TGFBR3: variants seen among roughly 807,000 people sequenced by gnomAD.
The protein encoded by TGFBR3 is transforming growth factor beta receptor 3, also known as transforming growth factor beta receptor type 3.
A neutral mutation model predicts 87.9 loss-of-function variants in TGFBR3; 46 were observed. The observed-to-expected ratio is 0.52, with a 90% CI of 0.41 to 0.67. TGFBR3 has a LOEUF of 0.67. TGFBR3 is among the 30% of genes least tolerant of loss of function. The pLI, the probability that TGFBR3 is intolerant of heterozygous loss-of-function variation, is 0.00. For synonymous variants in TGFBR3, 381 were observed against 391.6 expected, an observed-to-expected ratio of 0.97 and a Z score of 0.32; for missense variants, 866 against 1,041.9, an observed-to-expected ratio of 0.83 and a Z score of 2.32.
intron 6 of TGFBR3, among the ~76,000 whole-genome samples, chr1:91,729,470 A>G (rs1452794579): frequency 6.6e-6 from 1 of 152,226 alleles, no homozygotes; most frequent in East Asian, 1.9e-4. Context: ...GGTGATAAAG[A>G]TGAAGGAAGA....
intron 3 of TGFBR3, among the ~76,000 whole-genome samples, chr1:91,789,975 CTA>C (rs1347894608): frequency 6.6e-6 from 1 of 152,142 alleles, no homozygotes; most frequent in Admixed American, 6.5e-5. Context: ...CCCTCCAATC[CTA>C]TGTGGACAGA....
rs117066643 is a variant in TGFBR3, at chr1:91,703,893, C to G, written c.2287+4770G>C. 7.1e-4 allele frequency among the ~76,000 whole-genome samples: 108 copies of G among 152,356 alleles called. 2 individuals carry two copies. In the East Asian group the frequency reaches 0.02, roughly 29 times the overall value. On this transcript the variant is annotated intron_variant, in intron 14 of 16. Transcript: ENST00000212355. ...ACTTCTCCTGAACTTTAATACTCTG[C>G]TAAACAGGTTACACATTTCCCAACA...
intron 8 of TGFBR3, 89 bp downstream of exon 8, chr1:91,721,866 G>T: frequency 8.1e-7 from 1 of 1,229,118 alleles, no homozygotes. Flanking sequence ...GAGAAAAACA[G>T]CAACATATAA....
chr1:91,881,945 A>C (rs765301203), intron 1 of TGFBR3, among the ~76,000 whole-genome samples: 20 of 151,898 alleles, frequency 1.3e-4, no homozygotes, highest in Non-Finnish European at 2.9e-4. Flanking sequence ...AGGCTGAGGC[A>C]GGAGAATCTC....
At chr1:91,836,023 G>A (rs3103333) in intron 2 of TGFBR3, among the ~76,000 whole-genome samples, 19,391 of 151,830 alleles carry the variant, frequency 0.13, 1,531 homozygotes, top group East Asian at 0.38. Context: ...CAAGGTGGGC[G>A]GATCACCTGA....
At chr1:91,771,275 C>G (rs1224341891) in intron 3 of TGFBR3, among the ~76,000 whole-genome samples, 1 of 152,076 alleles carries the variant, frequency 6.6e-6, no homozygotes, top group Non-Finnish European at 1.5e-5. Flanking sequence ...CAATCCTTCC[C>G]AAAGTGTGGA....
chr1:91,681,617 A>T lies in TGFBR3; in HGVS notation c.*2122T>A, dbSNP rs899140859. ...CACGATGGAAAAGATTTTTTAAAAAAGCAAAGGACTGATCGAAAGAATTCA... is the reference window on the plus strand; with the variant it reads ...CACGATGGAAAAGATTTTTTAAAAATGCAAAGGACTGATCGAAAGAATTCA... On this transcript the variant is annotated 3_prime_UTR_variant, in exon 17 of 17. Transcript: ENST00000212355. The T allele has an allele frequency of 2.5e-6, 1 of 403,240 alleles. No individual in the cohort carries two copies. The highest frequency in any genetic ancestry group is 1.9e-5 in the South Asian group (1 of 52,268). The allele number at this position is 403,240 out of a possible 1,614,324, so 25.0% of individuals were successfully genotyped here.
chr1:91,840,191 G>A (rs1238470826), intron 2 of TGFBR3, among the ~76,000 whole-genome samples: 8 of 151,084 alleles, frequency 5.3e-5, no homozygotes, highest in African/African-American at 1.2e-4. Context: ...GTATGGTGGC[G>A]TGCACCTGAA....
At chr1:91,863,367 C>G (rs1678271233) in intron 1 of TGFBR3, among the ~76,000 whole-genome samples, 1 of 152,168 alleles carries the variant, frequency 6.6e-6, no homozygotes, top group Non-Finnish European at 1.5e-5. Flanking sequence ...CCACTCTGCC[C>G]CTTACCAAAT....
At chr1:91,792,204 C>A (rs1437503110) in intron 3 of TGFBR3, among the ~76,000 whole-genome samples, 2 of 152,184 alleles carry the variant, frequency 1.3e-5, no homozygotes, top group African/African-American at 4.8e-5. Context: ...CTGCACCCTT[C>A]TTTTTCCCTT....
chr1:91,874,504 T>C (rs1206637235), intron 1 of TGFBR3, among the ~76,000 whole-genome samples: 1 of 152,160 alleles, frequency 6.6e-6, no homozygotes, highest in Non-Finnish European at 1.5e-5. Flanking sequence ...GAATAAACAG[T>C]AGAGTGGTTT....
At chr1:91,819,386 G>A (rs1213449587) in intron 2 of TGFBR3, among the ~76,000 whole-genome samples, 3 of 150,824 alleles carry the variant, frequency 2.0e-5, no homozygotes, top group African/African-American at 4.9e-5. Context: ...AAAAAATCCC[G>A]ACCATCATCC....
intron 2 of TGFBR3, among the ~76,000 whole-genome samples, chr1:91,847,017 C>T (rs963885352): frequency 1.3e-5 from 2 of 152,136 alleles, no homozygotes; most frequent in Non-Finnish European, 2.9e-5. Context: ...CTGAGTCTTG[C>T]GGCGAGCTCC....
chr1:91,901,850 C>T (rs1679727346), intron 1 of TGFBR3, among the ~76,000 whole-genome samples: 1 of 151,126 alleles, frequency 6.6e-6, no homozygotes, highest in Non-Finnish European at 1.5e-5. Context: ...GAGTTTGAGG[C>T]TGCAGTGAGC....
At chr1:91,705,081 G>A (rs541200687) in intron 14 of TGFBR3, among the ~76,000 whole-genome samples, 2 of 152,118 alleles carry the variant, frequency 1.3e-5, no homozygotes, top group Non-Finnish European at 2.9e-5. Flanking sequence ...ACAGTGAAGC[G>A]TCCCATTGGT....
chr1:91,708,858 G>T, intron 13 of TGFBR3, 75 bp from the exon 14 acceptor site: 3 of 1,583,340 alleles, frequency 1.9e-6, no homozygotes, highest in Non-Finnish European at 2.6e-6. Context: ...CTGCACAGCT[G>T]TCCTGTGGCC....
At chr1:91,800,617 G>A (rs1675586177) in intron 2 of TGFBR3, among the ~76,000 whole-genome samples, 1 of 151,456 alleles carries the variant, frequency 6.6e-6, no homozygotes, top group South Asian at 2.1e-4. Flanking sequence ...GGTTTTCGAA[G>A]TTCCTCATAG....
chr1:91,828,476 C>T (rs971937378), intron 2 of TGFBR3, among the ~76,000 whole-genome samples: 3 of 152,200 alleles, frequency 2.0e-5, no homozygotes, highest in Admixed American at 6.5e-5. Flanking sequence ...TGTGGTTACG[C>T]TTTGACTTAA....
chr1:91,695,742 G>T lies in TGFBR3; in HGVS notation c.2367C>A (p.Gly789=). ...CGATCACAAAGGCTGCAAACGCAAT[G>T]CCCATCACGGTTAGGGTGTCCAGAC... ...FHGLDTLTVM[G]IAFAAFVIGA... Residue 789 remains glycine, a synonymous_variant, in exon 16 of 17, where the codon GGC becomes GGA. Coordinates refer to ENST00000212355, the MANE Select transcript of TGFBR3 (RefSeq NM_003243.5). 6.2e-7 allele frequency: 1 copy of T among 1,614,160 alleles called. No homozygotes were observed. The highest frequency in any genetic ancestry group is 1.1e-5 in the South Asian group (1 of 91,086).
Sources: gnomAD v4.1 joint callset for allele counts (sites outside exome capture counted in the v4.1 genomes callset) on GRCh38, gnomAD v4.1.1 for gene constraint, MANE v1.5 for transcripts, NCBI Gene and HGNC (gene_info 2026-07-23, HGNC 2026-07-21) for gene names.